Variants in CNTNAP5 observed in about 807,000 individuals in gnomAD.
The protein encoded by CNTNAP5 is contactin-associated protein-like 5.
Under a neutral mutation model 150.2 loss-of-function variants are expected in CNTNAP5, and 72 were observed. The observed-to-expected ratio is 0.48, with a 90% CI of 0.40 to 0.58. The LOEUF is 0.58. Ranked by LOEUF, CNTNAP5 falls within the 20% of genes least tolerant of loss-of-function variation. CNTNAP5 has a pLI of 0.00. For synonymous variants in CNTNAP5, 672 were observed against 619.8 expected (o/e 1.08, Z -1.25); for missense variants, 1,636 against 1,626.2 (o/e 1.01, Z -0.10).
At chr2:124,883,778 A>C (rs539766768) in intron 21 of CNTNAP5, among the ~76,000 whole-genome samples, 4 of 152,084 alleles carry the variant, frequency 2.6e-5, no homozygotes, top group African/African-American at 9.7e-5. Flanking sequence ...GCATATGTCC[A>C]TGTGTCCACA....
chr2:124,415,782 G>A lies in CNTNAP5; in HGVS notation c.382-1661G>A, dbSNP rs530722595. Among the ~76,000 whole-genome samples the A allele has an allele frequency of 3.9e-5, 6 of 152,218 alleles. No homozygotes were observed. The South Asian group carries it at 1.0e-3, about 26-fold the overall frequency. On this transcript the variant is annotated intron_variant, in intron 3 of 23. Transcript: ENST00000682447. ...ATGGTGGTGATGGTTATACGACAAC[G>A]TGAATATGCTTAATGCCCTGAATTA...
chr2:124,819,867 T>C lies in CNTNAP5; in HGVS notation c.3217+21547T>C, dbSNP rs72963809. 4.8e-3 allele frequency among the ~76,000 whole-genome samples: 728 copies of C among 152,332 alleles called. 9 individuals are homozygous for C. The highest frequency in any genetic ancestry group is 0.017 in the African/African-American group (689 of 41,568). On this transcript the variant is annotated intron_variant, in intron 19 of 23. Coordinates refer to ENST00000682447, the MANE Select transcript of CNTNAP5 (RefSeq NM_001367498.1). ...TTTCCCATCAGCTGCTCAGTTACTG[T>C]GTGTCTCTTTCTTAAAGTTTCTTCC...
rs776652801 is a variant in CNTNAP5 at position 124,790,042 on chromosome 2, G to A, written c.2893G>A (p.Gly965Ser). Residue 965 changes from glycine to serine, a missense_variant, in exon 18 of 24, where the codon GGC (glycine) becomes AGC (serine). Physicochemically the swap from Gly to Ser is moderately conservative, Grantham distance 56. Coordinates refer to ENST00000682447, the MANE Select transcript of CNTNAP5 (RefSeq NM_001367498.1). ...PGCPGHCSSY[G>S]SICHNGGKCV... ...CTGCCCCGGCCACTGCAGCAGCTAC[G>A]GCAGCATCTGCCACAACGGGGGCAA... The A allele has an allele frequency of 4.3e-6, 7 of 1,613,750 alleles. No homozygotes were observed. Among genetic ancestry groups the A allele is most frequent in the Admixed American group, 3.3e-5 (2 of 59,990 alleles).
chr2:124,503,467 T>G (rs149012732), intron 7 of CNTNAP5, among the ~76,000 whole-genome samples: 57 of 152,336 alleles, frequency 3.7e-4, no homozygotes, highest in Non-Finnish European at 7.6e-4. Flanking sequence ...TTTTTTTTGC[T>G]ATGCAAAGAA....
At chr2:124,164,366 A>C (rs1684758409) in intron 1 of CNTNAP5, among the ~76,000 whole-genome samples, 1 of 152,178 alleles carries the variant, frequency 6.6e-6, no homozygotes, top group South Asian at 2.1e-4. Context: ...CATTGCTTTC[A>C]CACCCAGCCT....
At chr2:124,611,676 C>A (rs140357691) in intron 12 of CNTNAP5, among the ~76,000 whole-genome samples, 311 of 152,254 alleles carry the variant, frequency 2.0e-3, no homozygotes, top group African/African-American at 7.1e-3. Context: ...TTTTACTGAG[C>A]TTTTCAAGTG....
intron 19 of CNTNAP5, among the ~76,000 whole-genome samples, chr2:124,847,998 G>C (rs1191537138): frequency 6.6e-6 from 1 of 151,942 alleles, no homozygotes; most frequent in African/African-American, 2.4e-5. Context: ...TTAAAAAAAT[G>C]TTTACTTGAC....
At position 124,603,082 on chromosome 2, in the gene CNTNAP5, C is replaced by G. The variant is rs191251688; in HGVS notation, c.1757-6719C>G. Among the ~76,000 whole-genome samples the G allele has an allele frequency of 4.0e-3, 467 of 116,324 alleles. 2 individuals are homozygous for G. Among genetic ancestry groups the G allele is most frequent in the African/African-American group, 0.014 (439 of 31,018 alleles). 76.3% of individuals were successfully genotyped at this position (116,324 alleles called of 152,430 possible). The stretch of plus-strand genomic sequence containing the variant: ...TCTTCTTTTCTTCCTTTCTTTCTTT[C>G]TCATCTTTTCTTTAATGTGTTTGAA... On this transcript the variant is annotated intron_variant, in intron 11 of 23. Coordinates refer to ENST00000682447, the MANE Select transcript of CNTNAP5 (RefSeq NM_001367498.1).
chr2:124,506,123 T>C (rs1694401233), intron 8 of CNTNAP5, among the ~76,000 whole-genome samples: 1 of 150,536 alleles, frequency 6.6e-6, no homozygotes, highest in African/African-American at 2.5e-5. Flanking sequence ...AACCTGGGAA[T>C]ATAGATTCAG....
At chr2:124,510,177 C>T (rs1191169682) in intron 8 of CNTNAP5, among the ~76,000 whole-genome samples, 1 of 150,890 alleles carries the variant, frequency 6.6e-6, no homozygotes, top group Non-Finnish European at 1.5e-5. Context: ...CACTGCACTC[C>T]AGCCTAGGTG....
At chr2:124,518,514 A>G (rs1188748092) in intron 8 of CNTNAP5, among the ~76,000 whole-genome samples, 1 of 152,174 alleles carries the variant, frequency 6.6e-6, no homozygotes, top group Non-Finnish European at 1.5e-5. Flanking sequence ...AAAATTCTGG[A>G]AGTTCCTCAA....
intron 19 of CNTNAP5, among the ~76,000 whole-genome samples, chr2:124,862,668 C>A (rs1248623783): frequency 6.6e-6 from 1 of 152,192 alleles, no homozygotes; most frequent in East Asian, 1.9e-4. Flanking sequence ...AGCTCCCTAA[C>A]AAAGCCACTG....
chr2:124,329,936 A>G (rs1689307514), intron 3 of CNTNAP5, among the ~76,000 whole-genome samples: 1 of 152,198 alleles, frequency 6.6e-6, no homozygotes, highest in Admixed American at 6.5e-5. Flanking sequence ...GGTTTGAAGT[A>G]TCTTCACTTG....
At chr2:124,614,610 C>G (rs1247072015) in intron 12 of CNTNAP5, among the ~76,000 whole-genome samples, 1 of 152,076 alleles carries the variant, frequency 6.6e-6, no homozygotes, top group Non-Finnish European at 1.5e-5. Flanking sequence ...CATTTGTAGA[C>G]TGTCATGGCT....
chr2:124,721,014 T>G (rs1237743363), intron 13 of CNTNAP5, among the ~76,000 whole-genome samples: 3 of 152,114 alleles, frequency 2.0e-5, no homozygotes, highest in Admixed American at 6.6e-5. Context: ...TTTCCATCTT[T>G]CCCGTACCTC....
intron 21 of CNTNAP5, among the ~76,000 whole-genome samples, chr2:124,882,900 A>G (rs1489496456): frequency 6.6e-6 from 1 of 151,964 alleles, no homozygotes; most frequent in East Asian, 1.9e-4. Context: ...TTATAAAGCA[A>G]TCAGATCTCA....
intron 22 of CNTNAP5, among the ~76,000 whole-genome samples, chr2:124,907,629 G>A (rs1213511416): frequency 6.7e-6 from 1 of 149,620 alleles, no homozygotes; most frequent in Non-Finnish European, 1.5e-5. Context: ...GATATAAATA[G>A]ATAGATACAT....
chr2:124,648,907 G>GA (rs1306997559), intron 13 of CNTNAP5, among the ~76,000 whole-genome samples: 1 of 152,084 alleles, frequency 6.6e-6, no homozygotes, highest in Non-Finnish European at 1.5e-5. Context: ...AAAGGCTGGG[G>GA]AAAAAATGGA....
chr2:124,441,241 T>A (rs2104800814), intron 5 of CNTNAP5, among the ~76,000 whole-genome samples: 1 of 152,212 alleles, frequency 6.6e-6, no homozygotes, highest in South Asian at 2.1e-4. Flanking sequence ...AACTTGTAAT[T>A]CCCAAGAGAC....
Sources: gnomAD v4.1 joint callset for allele counts (sites outside exome capture counted in the v4.1 genomes callset) on GRCh38, gnomAD v4.1.1 for gene constraint, MANE v1.5 for transcripts, NCBI Gene and HGNC (gene_info 2026-07-23, HGNC 2026-07-21) for gene names.